The following EVC variants were observed in gnomAD, a reference collection of about 807,000 sequenced individuals.
EVC encodes evC complex member EVC.
In EVC, 116 loss-of-function variants were observed where a neutral mutation model predicts 118.9. The observed-to-expected ratio is 0.98, with a 90% CI of 0.84 to 1.14. The LOEUF (loss-of-function observed/expected upper bound fraction) is 1.14. EVC is among the 50% of genes most tolerant of loss of function. The pLI, the probability that EVC is intolerant of heterozygous loss-of-function variation, is 0.00. For missense variants in EVC, 1,401 were observed against 1,246.4 expected (o/e 1.12, Z -1.87); for synonymous variants, 619 against 534.7 (o/e 1.16, Z -2.18).
rs3755844 is a variant in EVC, at chr4:5,711,792, T to A, written c.174+238T>A. On this transcript the variant is annotated intron_variant, in intron 1 of 20. Coordinates refer to ENST00000264956, the MANE Select transcript of EVC (RefSeq NM_153717.3). ...ACATCCCACTCCGTTGGGTGATCCT[T>A]GACAGCAGCCCAACTGCGCCACGCC... 0.16 allele frequency among the ~76,000 whole-genome samples: 24,333 copies of A among 152,134 alleles called. 2,257 individuals are homozygous for A. The highest frequency in any genetic ancestry group is 0.32 in the East Asian group (1,644 of 5,132).
chr4:5,817,519 T>C (rs1717898851), downstream of EVC, among the ~76,000 whole-genome samples: 1 of 152,200 alleles, frequency 6.6e-6, no homozygotes, highest in South Asian at 2.1e-4. Flanking sequence ...CCCCTGTGTC[T>C]TTTCCTCTAA....
chr4:5,760,189 C>T (rs764797368), intron 11 of EVC, among the ~76,000 whole-genome samples: 3 of 152,000 alleles, frequency 2.0e-5, no homozygotes, highest in South Asian at 2.1e-4. Flanking sequence ...TTAGTGATTT[C>T]GGGGGCCCAA....
chr4:5,784,604 T>G (rs936842373), intron 12 of EVC, among the ~76,000 whole-genome samples: 2 of 137,530 alleles, frequency 1.5e-5, no homozygotes, highest in Admixed American at 8.7e-5. Context: ...CAATACACAT[T>G]GATTTTTTTT....
chr4:5,778,742 C>T (rs1436569491), intron 11 of EVC, among the ~76,000 whole-genome samples: 3 of 151,894 alleles, frequency 2.0e-5, no homozygotes, highest in African/African-American at 7.3e-5. Context: ...GGATATTAGC[C>T]CTTTGTCAGA....
At position 5,793,609 on chromosome 4, in the gene EVC, T is replaced by A. The variant is rs1205106531; in HGVS notation, c.1778T>A (p.Val593Glu). 3.7e-5 allele frequency: 57 copies of A among 1,551,762 alleles called. No individual in the cohort carries two copies. The highest frequency in any genetic ancestry group is 4.7e-5 in the Non-Finnish European group (54 of 1,147,026). The part of the protein sequence containing the change: ...FQELLEQDQQ[V>E]WMEECALSSV... ...TCTGTCCCTCTGTCCCGAGTTCAGG[T>A]GTGGATGGAGGAGTGTGCGCTGTCC... is the stretch of plus-strand genomic sequence containing the variant. Residue 593 changes from valine to glutamate, a missense_variant and splice_region_variant, in exon 13 of 21, where the codon GTG becomes GAG. Val to Glu is a moderately radical substitution (Grantham distance 121, BLOSUM62 -2). Transcript: ENST00000264956.
chr4:5,715,759 T>TTC (rs1723850188), intron 1 of EVC, among the ~76,000 whole-genome samples: 1 of 149,940 alleles, frequency 6.7e-6, no homozygotes, highest in Non-Finnish European at 1.5e-5. Flanking sequence ...TTTTTTTTTT[T>TTC]TTGAGATAGA....
At chr4:5,777,362 T>C (rs181163836) in intron 11 of EVC, among the ~76,000 whole-genome samples, 236 of 152,282 alleles carry the variant, frequency 1.5e-3, no homozygotes, top group Non-Finnish European at 2.0e-3. Flanking sequence ...GGGTACCAAC[T>C]GTAAGTGTGG....
intron 1 of EVC, among the ~76,000 whole-genome samples, chr4:5,716,086 A>C (rs1296829504): frequency 1.3e-5 from 2 of 152,174 alleles, no homozygotes; most frequent in Non-Finnish European, 2.9e-5. Flanking sequence ...GGTTCCACTC[A>C]CCTGGCACAG....
chr4:5,730,420 A>G (rs1726598313), intron 3 of EVC, among the ~76,000 whole-genome samples: 1 of 152,052 alleles, frequency 6.6e-6, no homozygotes, highest in Non-Finnish European at 1.5e-5. Flanking sequence ...TAACTGGCTC[A>G]AGGAGCTGTT....
intron 5 of EVC, among the ~76,000 whole-genome samples, chr4:5,735,568 A>G (rs998914603): frequency 1.3e-5 from 2 of 152,212 alleles, no homozygotes; most frequent in African/African-American, 4.8e-5. Flanking sequence ...TGGCATGGTC[A>G]CAGCAGTGAT....
chr4:5,711,504 C>A lies in EVC; in HGVS notation c.124C>A (p.Leu42Ile), dbSNP rs1202392804. The change falls in exon 1 of 21, where the codon CTC becomes ATC. Residue 42 changes from leucine (L) to isoleucine (I), a missense_variant. By Grantham distance (5) the Leu-to-Ile change is conservative. Transcript: ENST00000264956. ...GCTGGGCGCCGCGCTCGGCCTCGGC[C>A]TCGGCCTTTGGCTTGGCTGCCGCGC... ...VLLGAALGLGLGLWLGCRAGR... is the reference protein window; with the variant it reads ...VLLGAALGLGIGLWLGCRAGR... The A allele has an allele frequency of 5.4e-5, 62 of 1,158,652 alleles. No homozygotes were observed. Among genetic ancestry groups the A allele is most frequent in the Non-Finnish European group, 6.3e-5 (59 of 942,194 alleles). The allele number at this position is 1,158,652 out of a possible 1,614,324, so 71.8% of individuals were successfully genotyped here. A position where few individuals can be genotyped will look rare whatever the true frequency, so the allele number is the denominator to read the frequency against.
chr4:5,752,202 C>A (rs192385168), intron 8 of EVC, among the ~76,000 whole-genome samples: 71 of 152,240 alleles, frequency 4.7e-4, no homozygotes, highest in African/African-American at 1.6e-3. Flanking sequence ...TCCTTTCCCC[C>A]TTACTCTCAT....
chr4:5,806,855 T>C (rs1300592292), intron 17 of EVC, among the ~76,000 whole-genome samples: 1 of 152,210 alleles, frequency 6.6e-6, no homozygotes, highest in Non-Finnish European at 1.5e-5. Flanking sequence ...TGTTATAGTT[T>C]GTCTTTTTAG....
At chr4:5,765,888 A>T (rs911344309) in intron 11 of EVC, among the ~76,000 whole-genome samples, 4 of 147,174 alleles carry the variant, frequency 2.7e-5, no homozygotes, top group African/African-American at 1.0e-4. Flanking sequence ...TAATTGGAGC[A>T]TTTAGTCCAT....
At chr4:5,713,752 A>T (rs1723460726) in intron 1 of EVC, among the ~76,000 whole-genome samples, 1 of 151,348 alleles carries the variant, frequency 6.6e-6, no homozygotes, top group Non-Finnish European at 1.5e-5. Context: ...AAAAATACAA[A>T]ATTAGCCAGG....
At chr4:5,730,739 G>C (rs536639611) in intron 3 of EVC, among the ~76,000 whole-genome samples, 1 of 152,166 alleles carries the variant, frequency 6.6e-6, no homozygotes, top group African/African-American at 2.4e-5. Context: ...AACAACAAAT[G>C]GGGGGTGTTT....
chr4:5,819,242 C>T (rs149310835), downstream of EVC, among the ~76,000 whole-genome samples: 1 of 152,176 alleles, frequency 6.6e-6, no homozygotes, highest in South Asian at 2.1e-4. Flanking sequence ...CCGTCCCTGC[C>T]AACAAGATGA....
chr4:5,744,984 T>TTTTTTTG (rs1729139906), intron 6 of EVC, among the ~76,000 whole-genome samples: 1 of 146,896 alleles, frequency 6.8e-6, no homozygotes, highest in Non-Finnish European at 1.5e-5. Context: ...TTTTTTTTTT[T>TTTTTTTG]GAGGGAGGAT....
intron 16 of EVC, among the ~76,000 whole-genome samples, chr4:5,803,828 T>C (rs925908868): frequency 6.6e-6 from 1 of 152,186 alleles, no homozygotes; most frequent in African/African-American, 2.4e-5. Flanking sequence ...GGTTTTCAGC[T>C]GAGAGGTACC....
Sources: gnomAD v4.1 joint callset for allele counts (sites outside exome capture counted in the v4.1 genomes callset) on GRCh38, gnomAD v4.1.1 for gene constraint, MANE v1.5 for transcripts, NCBI Gene and HGNC (gene_info 2026-07-23, HGNC 2026-07-21) for gene names.